Variants in EVI5 observed in about 807,000 individuals in gnomAD.
EVI5 encodes ecotropic viral integration site 5 protein homolog.
A neutral mutation model predicts 112.0 loss-of-function variants in EVI5; 73 were observed. That is an observed-to-expected ratio of 0.65 (90% CI 0.54 to 0.79). The LOEUF (loss-of-function observed/expected upper bound fraction) is 0.79. Ranked by LOEUF, EVI5 falls within the 30% of genes least tolerant of loss-of-function variation. The pLI is 0.00. For missense variants in EVI5, 900 were observed against 968.8 expected, an observed-to-expected ratio of 0.93 and a Z score of 0.94; for synonymous variants, 305 against 319.9, an observed-to-expected ratio of 0.95 and a Z score of 0.50.
chr1:92,785,189 G>GGGCC, upstream of EVI5: 1 of 830,384 alleles, frequency 1.2e-6, no homozygotes, highest in Non-Finnish European at 1.5e-6. Flanking sequence ...GGGGCCGGGC[G>GGGCC]GGCCGGCCGA....
At chr1:92,636,065 T>G (rs974552692) in intron 14 of EVI5, 137 bp downstream of exon 14, 4 of 670,982 alleles carry the variant, frequency 6.0e-6, no homozygotes, top group Non-Finnish European at 9.5e-6. Flanking sequence ...CTTTTTTTCC[T>G]TTTCCTCTTA....
chr1:92,514,357 T>C (rs1041752198), intron 19 of EVI5, among the ~76,000 whole-genome samples: 3 of 152,128 alleles, frequency 2.0e-5, no homozygotes, highest in African/African-American at 4.8e-5. Flanking sequence ...GGTTTCACCA[T>C]GTTGCCCAGG....
chr1:92,583,232 G>A (rs987173337), intron 18 of EVI5, among the ~76,000 whole-genome samples: 6 of 152,050 alleles, frequency 3.9e-5, no homozygotes, highest in Non-Finnish European at 8.8e-5. Context: ...CTTGGGGTCA[G>A]GCGCGGTGGC....
chr1:92,755,608 C>T (rs1017512289), intron 1 of EVI5, among the ~76,000 whole-genome samples: 1 of 152,080 alleles, frequency 6.6e-6, no homozygotes, highest in Non-Finnish European at 1.5e-5. Flanking sequence ...TAAGCAAGGA[C>T]CTACGTACTG....
chr1:92,609,057 AC>A (rs1219093892), intron 16 of EVI5, among the ~76,000 whole-genome samples: 7 of 152,230 alleles, frequency 4.6e-5, no homozygotes, highest in East Asian at 1.9e-4. Flanking sequence ...TGCTAAAAAA[AC>A]ATATAGACCT....
intron 1 of EVI5, among the ~76,000 whole-genome samples, chr1:92,740,444 C>T (rs756433176): frequency 2.0e-5 from 3 of 152,072 alleles, no homozygotes; most frequent in African/African-American, 2.4e-5. Context: ...TTTATCTCCG[C>T]TTTTTCTTTT....
chr1:92,688,110 A>G (rs568059688), intron 9 of EVI5, among the ~76,000 whole-genome samples: 1 of 152,356 alleles, frequency 6.6e-6, no homozygotes, highest in South Asian at 2.1e-4. Flanking sequence ...ACTATTTACA[A>G]TAGCAAAGAC....
At chr1:92,688,671 T>C (rs952169868) in intron 9 of EVI5, among the ~76,000 whole-genome samples, 1 of 152,192 alleles carries the variant, frequency 6.6e-6, no homozygotes, top group Non-Finnish European at 1.5e-5. Context: ...TAGGAAAGAC[T>C]ATAGATAGAA....
chr1:92,634,157 T>C (rs1042349791), intron 14 of EVI5, among the ~76,000 whole-genome samples: 1 of 152,194 alleles, frequency 6.6e-6, no homozygotes, highest in East Asian at 1.9e-4. Flanking sequence ...CAATTATGTG[T>C]CTTGGAGTTG....
At chr1:92,529,963 A>G (rs1219764152) in intron 19 of EVI5, among the ~76,000 whole-genome samples, 1 of 152,224 alleles carries the variant, frequency 6.6e-6, no homozygotes, top group African/African-American at 2.4e-5. Context: ...ATATGTAGAT[A>G]AATTTTTTCT....
At chr1:92,789,424 T>C (rs1189324592), upstream of EVI5, among the ~76,000 whole-genome samples, 1 of 152,002 alleles carries the variant, frequency 6.6e-6, no homozygotes, top group Non-Finnish European at 1.5e-5. Flanking sequence ...TGCCTCAGCC[T>C]CCCGAGCAGC....
At chr1:92,783,618 C>A (rs576564743) in intron 1 of EVI5, among the ~76,000 whole-genome samples, 1 of 151,150 alleles carries the variant, frequency 6.6e-6, no homozygotes, top group South Asian at 2.1e-4. Context: ...TCAAGACCAT[C>A]GTGGCCAACA....
At chr1:92,606,804 C>T (rs1650487979) in intron 17 of EVI5, among the ~76,000 whole-genome samples, 1 of 151,238 alleles carries the variant, frequency 6.6e-6, no homozygotes, top group African/African-American at 2.4e-5. Context: ...AAGGTGGATG[C>T]CTAGTTTATT....
chr1:92,744,598 TCTCACACA>T (rs1553263749), intron 1 of EVI5, among the ~76,000 whole-genome samples: 1,423 of 58,456 alleles, frequency 0.024, 16 homozygotes, highest in Middle Eastern at 0.05. Context: ...TCTCTCTCTC[TCTCACACA>T]CACACACACA....
intron 2 of EVI5, among the ~76,000 whole-genome samples, chr1:92,729,379 A>T (rs1212003973): frequency 1.3e-5 from 2 of 152,192 alleles, no homozygotes; most frequent in Non-Finnish European, 2.9e-5. Context: ...CGCACACATA[A>T]GGGGGGACTA....
intron 16 of EVI5, among the ~76,000 whole-genome samples, chr1:92,620,863 A>G (rs187255060): frequency 1.3e-5 from 2 of 152,318 alleles, no homozygotes; most frequent in African/African-American, 4.8e-5. Context: ...AATTTCTATG[A>G]AAGAAAACTT....
At chr1:92,705,141 G>A (rs1056792330) in intron 2 of EVI5, among the ~76,000 whole-genome samples, 1 of 152,140 alleles carries the variant, frequency 6.6e-6, no homozygotes, top group African/African-American at 2.4e-5. Flanking sequence ...TTTACAATGT[G>A]TCTAAGGCTT....
Position 92,567,027 on chromosome 1 carries a change from G to A in EVI5, c.2071-3290C>T, listed in dbSNP as rs927896892. Among the ~76,000 whole-genome samples, 6 of 152,024 alleles carry A rather than the reference G, an allele frequency of 3.9e-5. No homozygotes were observed. In the East Asian group the frequency reaches 1.2e-3, roughly 29 times the overall value. On this transcript the variant is annotated intron_variant, in intron 18 of 19. Coordinates refer to ENST00000684568, the MANE Select transcript of EVI5 (RefSeq NM_001350197.2). ...TCACCACATTGGCCAGTCTGGTCTT[G>A]AACTCCTGGCCTCAAGTGTTCCGCC...
At chr1:92,549,637 C>T (rs1301299819) in intron 19 of EVI5, among the ~76,000 whole-genome samples, 3 of 152,118 alleles carry the variant, frequency 2.0e-5, no homozygotes, top group Admixed American at 1.3e-4. Context: ...ACAAAGAACT[C>T]AAACAAATTT....
Sources: allele counts gnomAD v4.1 joint callset (sites outside exome capture counted in the v4.1 genomes callset), GRCh38; gene constraint gnomAD v4.1.1; transcripts MANE v1.5; gene names NCBI Gene and HGNC (gene_info 2026-07-23, HGNC 2026-07-21).